BAZ1A: variants seen among roughly 807,000 people sequenced by gnomAD.
BAZ1A encodes bromodomain adjacent to zinc finger domain protein 1A.
A neutral mutation model predicts 185.2 loss-of-function variants in BAZ1A; 50 were observed. The observed-to-expected ratio is 0.27, with a 90% CI of 0.22 to 0.34. BAZ1A has a LOEUF of 0.34. BAZ1A is among the 10% of genes least tolerant of loss of function. BAZ1A has a pLI of 1.00. For missense variants in BAZ1A, 1,356 were observed against 1,839.9 expected, an observed-to-expected ratio of 0.74 and a Z score of 4.81; for synonymous variants, 571 against 615.6, an observed-to-expected ratio of 0.93 and a Z score of 1.07.
In BAZ1A at chr14:34,762,092, G is replaced by A; in HGVS notation, c.3908C>T (p.Pro1303Leu). ...AGTTTTAGAAGAAACAGTTGTTTTGGGTGTGCTCTGCTGACTCCTTGAAGG... is the reference window on the plus strand; with the variant it reads ...AGTTTTAGAAGAAACAGTTGTTTTGAGTGTGCTCTGCTGACTCCTTGAAGG... ...RYPSRSQQST[P>L]KTTVSSKTGR... Residue 1303 changes from proline to leucine, a missense_variant, in exon 24 of 27, where the codon CCC becomes CTC. Pro to Leu is a moderately conservative substitution (Grantham distance 98). Transcript: ENST00000360310. The A allele has an allele frequency of 6.2e-7, 1 of 1,614,142 alleles. No individual in the cohort carries two copies. The highest frequency in any genetic ancestry group is 8.5e-7 in the Non-Finnish European group (1 of 1,180,030).
chr14:34,767,712 G>A (rs1184720925), intron 21 of BAZ1A, among the ~76,000 whole-genome samples: 4 of 152,142 alleles, frequency 2.6e-5, no homozygotes, highest in Non-Finnish European at 5.9e-5. Context: ...AGCACGAATA[G>A]CTAGTTCAAA....
intron 3 of BAZ1A, among the ~76,000 whole-genome samples, chr14:34,848,574 G>A (rs928780160): frequency 2.6e-5 from 4 of 152,166 alleles, no homozygotes; most frequent in African/African-American, 9.7e-5. Context: ...TCCAGCCTGG[G>A]CGACAGAGCG....
rs1418110153 is a variant in BAZ1A, at chr14:34,874,740, G to C, written c.-58-78C>G. Reference sequence around the variant, plus strand: ...CAGCGTGGGCCGGTCCGCGCGCTGGGAGAAGCTCGGCTGCCTTTTGTGTGA... The same window carrying C: ...CAGCGTGGGCCGGTCCGCGCGCTGGCAGAAGCTCGGCTGCCTTTTGTGTGA... On this transcript the variant is annotated intron_variant, in intron 1 of 26. Coordinates refer to ENST00000360310, the MANE Select transcript of BAZ1A (RefSeq NM_013448.3). The surrounding 1 kb of genome is among the most constrained non-coding windows in gnomAD (Gnocchi z 4.7). 3 of 628,758 alleles carry C rather than the reference G, an allele frequency of 4.8e-6. No homozygotes were observed. The African/African-American group carries it at 5.9e-5, about 12-fold the overall frequency. The allele number at this position is 628,758 out of a possible 1,614,324, so 38.9% of individuals were successfully genotyped here. A position where few individuals can be genotyped will look rare whatever the true frequency, so the allele number is the denominator to read the frequency against.
At chr14:34,836,516 G>A (rs1351887413) in intron 3 of BAZ1A, among the ~76,000 whole-genome samples, 1 of 151,400 alleles carries the variant, frequency 6.6e-6, no homozygotes, top group African/African-American at 2.4e-5. Flanking sequence ...AGAAGCCTGG[G>A]AAGACCTACT....
intron 19 of BAZ1A, among the ~76,000 whole-genome samples, chr14:34,774,030 T>C (rs1292254788): frequency 6.6e-6 from 1 of 152,112 alleles, no homozygotes; most frequent in African/African-American, 2.4e-5. Flanking sequence ...TTATCAGCCA[T>C]GAATTACAGA....
chr14:34,754,556 T>C (rs1886160392), intron 26 of BAZ1A, among the ~76,000 whole-genome samples: 1 of 152,178 alleles, frequency 6.6e-6, no homozygotes, highest in Admixed American at 6.5e-5. Context: ...TGTGATCATA[T>C]ACATTATGTG....
chr14:34,852,804 TCA>T lies in BAZ1A; in HGVS notation c.392+9238_392+9239del, dbSNP rs559894450. On this transcript the variant is annotated intron_variant, in intron 3 of 26. Coordinates refer to ENST00000360310, the MANE Select transcript of BAZ1A (RefSeq NM_013448.3). Reference sequence around the variant, plus strand: ...TTAATACGTGAAAAAAGACTAAAGCTCACAGAGTTTAAACTACTTGTTCAAAG... The same window carrying T: ...TTAATACGTGAAAAAAGACTAAAGCTCAGAGTTTAAACTACTTGTTCAAAG... 1.3e-3 allele frequency among the ~76,000 whole-genome samples: 205 copies of T among 152,204 alleles called. 3 individuals are homozygous for T. The highest frequency in any genetic ancestry group is 4.5e-3 in the African/African-American group (188 of 41,524).
intron 3 of BAZ1A, among the ~76,000 whole-genome samples, chr14:34,853,893 T>A (rs1594904507): frequency 6.6e-6 from 1 of 152,194 alleles, no homozygotes. Context: ...AACACAAGAA[T>A]GGTCTCTATC....
chr14:34,818,114 A>G (rs2042034157), intron 4 of BAZ1A, among the ~76,000 whole-genome samples: 1 of 152,258 alleles, frequency 6.6e-6, no homozygotes, highest in African/African-American at 2.4e-5. Flanking sequence ...ATGAATGGAT[A>G]AACAAAATGT....
chr14:34,852,106 G>A (rs932610718), intron 3 of BAZ1A, among the ~76,000 whole-genome samples: 9 of 151,162 alleles, frequency 6.0e-5, no homozygotes, highest in South Asian at 2.1e-4. Context: ...CAGCCTGGGC[G>A]ACAGAGCTAG....
At chr14:34,792,190 C>T (rs1364227663) in intron 12 of BAZ1A, among the ~76,000 whole-genome samples, 1 of 152,164 alleles carries the variant, frequency 6.6e-6, no homozygotes, top group Non-Finnish European at 1.5e-5. Flanking sequence ...TCGAGACCAG[C>T]CTGGCCAACA....
intron 3 of BAZ1A, among the ~76,000 whole-genome samples, chr14:34,857,060 G>C (rs373085409): frequency 2.4e-4 from 36 of 148,890 alleles, no homozygotes; most frequent in African/African-American, 7.2e-4. Context: ...AGGCTGGAGT[G>C]CAGTGGCGCA....
Position 34,774,120 on chromosome 14 carries a change from T to C in BAZ1A, c.2997+207A>G, listed in dbSNP as rs538337860. Among the ~76,000 whole-genome samples, 5 of 152,262 alleles carry C rather than the reference T, an allele frequency of 3.3e-5. No individual in the cohort carries two copies. The South Asian group carries it at 8.3e-4, about 25-fold the overall frequency. On this transcript the variant is annotated intron_variant, in intron 19 of 26. Transcript: ENST00000360310. ...AGGGGCTAGTCAAGGAAGAAGAAAA[T>C]ATCCTTACGCATTTCAACATCTGAT...
chr14:34,821,017 A>G (rs1487848779), intron 4 of BAZ1A, among the ~76,000 whole-genome samples: 2 of 152,152 alleles, frequency 1.3e-5, no homozygotes, highest in Non-Finnish European at 2.9e-5. Context: ...TTTGTTCTTC[A>G]ATATTGTGTT....
chr14:34,817,519 C>T (rs111976992), intron 4 of BAZ1A, among the ~76,000 whole-genome samples: 15 of 152,206 alleles, frequency 9.9e-5, no homozygotes, highest in Admixed American at 3.3e-4. Flanking sequence ...GCCTGGGAGG[C>T]GGAGGTTGCA....
At chr14:34,805,868 G>A (rs1006048249) in intron 6 of BAZ1A, among the ~76,000 whole-genome samples, 2 of 149,364 alleles carry the variant, frequency 1.3e-5, no homozygotes, top group Non-Finnish European at 3.0e-5. Context: ...GCTTGCCCTT[G>A]AAATCTACAC....
At chr14:34,770,972 C>G (rs1879179044) in intron 21 of BAZ1A, among the ~76,000 whole-genome samples, 1 of 151,682 alleles carries the variant, frequency 6.6e-6, no homozygotes, top group Admixed American at 6.6e-5. Context: ...TTTGATTATT[C>G]AAGGTCTGAC....
At chr14:34,831,377 C>CA (rs2042240162) in intron 3 of BAZ1A, among the ~76,000 whole-genome samples, 1 of 152,136 alleles carries the variant, frequency 6.6e-6, no homozygotes, top group South Asian at 2.1e-4. Flanking sequence ...CCTTGTCTCC[C>CA]ACCATGAAAT....
chr14:34,784,809 C>T (rs911862640), intron 14 of BAZ1A, among the ~76,000 whole-genome samples: 12 of 150,282 alleles, frequency 8.0e-5, no homozygotes, highest in African/African-American at 1.2e-4. Flanking sequence ...TGAGCCACCG[C>T]GCCTGGCCAA....
Sources: gnomAD v4.1 joint callset for allele counts (sites outside exome capture counted in the v4.1 genomes callset) on GRCh38, gnomAD v4.1.1 for gene constraint, Gnocchi (gnomAD v3.1) non-coding constraint, MANE v1.5 for transcripts, NCBI Gene and HGNC (gene_info 2026-07-23, HGNC 2026-07-21) for gene names.